SLC38A8: variants seen among roughly 807,000 people sequenced by gnomAD.
The protein encoded by SLC38A8 is solute carrier family 38 member 8, also known as amino acid transporter SLC38A8.
A neutral mutation model predicts 46.0 loss-of-function variants in SLC38A8; 65 were observed. The observed-to-expected ratio is 1.41, with a 90% CI of 1.16 to 1.74. SLC38A8 has a LOEUF of 1.74. Among genes scored for constraint, SLC38A8 ranks in the 40% most tolerant of loss-of-function variants. The probability of loss-of-function intolerance (pLI) is 0.00; values close to 1 mark genes in which losing one functional copy is unlikely to be tolerated. For missense variants in SLC38A8, 998 were observed against 567.9 expected, an observed-to-expected ratio of 1.76 and a Z score of -7.70; for synonymous variants, 447 against 243.7, an observed-to-expected ratio of 1.83 and a Z score of -7.77.
intron 2 of SLC38A8, chr16:84,041,273 G>C (rs2085364047): frequency 1.3e-5 from 2 of 152,264 alleles, no homozygotes; most frequent in African/African-American, 4.8e-5. Context: ...GGGGAGTGTG[G>C]GAGTGTCACA....
chr16:84,034,540 G>C (rs568886582), intron 3 of SLC38A8, among the ~76,000 whole-genome samples: 2 of 152,218 alleles, frequency 1.3e-5, no homozygotes, highest in Admixed American at 1.3e-4. Context: ...ATGGGAGGCC[G>C]AGGAGCTTGA....
intron 5 of SLC38A8, 29 bp downstream of exon 5, chr16:84,031,838 G>T (rs761894237): frequency 1.2e-6 from 2 of 1,600,100 alleles, no homozygotes; most frequent in African/African-American, 1.3e-5. Flanking sequence ...CCCCGCCGAG[G>T]CTGCCGGAAG....
Position 84,016,698 on chromosome 16 carries a change from C to T in SLC38A8, c.983G>A (p.Ser328Asn). The T allele has an allele frequency of 6.2e-7, 1 of 1,613,222 alleles. No homozygotes were observed. Among genetic ancestry groups the T allele is most frequent in the Non-Finnish European group, 8.5e-7 (1 of 1,179,928 alleles). Reference protein sequence around the residue: ...RSVMQDFWRRSCLGGWGPSAL... With the variant: ...RSVMQDFWRRNCLGGWGPSAL... Reference sequence around the variant, plus strand: ...GCTGGGCCCCCATCCCCCCAAGCAGCTCCTCCTCCAGAAGTCCTGCATCAC... The same window carrying T: ...GCTGGGCCCCCATCCCCCCAAGCAGTTCCTCCTCCAGAAGTCCTGCATCAC... The change falls in exon 9 of 11, where the codon AGC becomes AAC. Residue 328 changes from serine (S) to asparagine (N), a missense_variant. Transcript: ENST00000299709.
At chr16:84,034,540 G>T (rs568886582) in intron 3 of SLC38A8, among the ~76,000 whole-genome samples, 2 of 152,218 alleles carry the variant, frequency 1.3e-5, no homozygotes, top group African/African-American at 4.8e-5. Context: ...ATGGGAGGCC[G>T]AGGAGCTTGA....
chr16:84,029,642 A>G, intron 5 of SLC38A8, 91 bp from the exon 6 acceptor site: 1 of 1,262,720 alleles, frequency 7.9e-7, no homozygotes, highest in South Asian at 1.3e-5. Context: ...GGATGCTGGG[A>G]AAATGTAACA....
At chr16:84,030,431 G>A (rs1351968667) in intron 5 of SLC38A8, among the ~76,000 whole-genome samples, 2 of 152,002 alleles carry the variant, frequency 1.3e-5, no homozygotes, top group Admixed American at 6.6e-5. Context: ...AGCCTTCAAT[G>A]CCATGTCTGG....
In SLC38A8 at chr16:84,032,869, C is replaced by T. The variant is rs1293544058; in HGVS notation, c.530+459G>A. On this transcript the variant is annotated intron_variant, in intron 4 of 10. Transcript: ENST00000299709. ...GTGCACACATGTGCGTGCATGGGCA[C>T]GGGGACATGCGGGGATGGGGGTGCA... is the stretch of plus-strand genomic sequence containing the variant. Among the ~76,000 whole-genome samples the T allele has an allele frequency of 4.1e-5, 6 of 146,154 alleles. No individual in the cohort carries two copies. In the East Asian group the frequency reaches 8.7e-4, roughly 21 times the overall value.
rs888412758 is a variant in SLC38A8 at position 84,031,934 on chromosome 16, G to C, written c.565C>G (p.Leu189Val). 4 of 1,614,104 alleles carry C rather than the reference G, an allele frequency of 2.5e-6. No individual in the cohort carries two copies. In the African/African-American group the frequency reaches 4.0e-5, roughly 16 times the overall value. Residue 189 changes from leucine (L) to valine (V), a missense_variant, in exon 5 of 11, where the codon CTG (leucine) becomes GTG (valine). Coordinates refer to ENST00000299709, the MANE Select transcript of SLC38A8 (RefSeq NM_001080442.3). The part of the protein sequence containing the change: ...LGTLAACYLA[L>V]VITVQYYLWP... ...AGGTAGTACTGCACGGTGATGACCA[G>C]GGCCAGGTAACAGGCAGCCAGAGTG...
At chr16:84,042,849 C>T (rs1306692208), upstream of SLC38A8, among the ~76,000 whole-genome samples, 1 of 150,220 alleles carries the variant, frequency 6.7e-6, no homozygotes, top group Non-Finnish European at 1.5e-5. Context: ...CCGCCTCTCC[C>T]CAGCCCCCTG....
intron 6 of SLC38A8, among the ~76,000 whole-genome samples, chr16:84,027,128 G>C (rs1035603446): frequency 4.6e-5 from 7 of 152,168 alleles, no homozygotes; most frequent in Non-Finnish European, 5.9e-5. Context: ...GAGGTGGGCA[G>C]ATCAAAAGGT....
At chr16:84,020,362 C>T (rs2326151) in intron 7 of SLC38A8, among the ~76,000 whole-genome samples, 63,192 of 151,784 alleles carry the variant, frequency 0.42, 15,386 homozygotes, top group African/African-American at 0.69. Context: ...GCCAGGCTGG[C>T]CTCGAACTCC....
intron 2 of SLC38A8, among the ~76,000 whole-genome samples, chr16:84,037,904 G>C (rs1312982348): frequency 6.8e-6 from 1 of 147,910 alleles, no homozygotes. Flanking sequence ...CAGCTGCTAG[G>C]TCCAAAGAAT....
chr16:84,020,730 GC>G (rs979952574), intron 7 of SLC38A8, among the ~76,000 whole-genome samples: 5 of 152,194 alleles, frequency 3.3e-5, no homozygotes, highest in Admixed American at 2.6e-4. Flanking sequence ...AGGCCTCTGA[GC>G]CTGTGATGGG....
chr16:84,013,526 G>T (rs567815013), intron 9 of SLC38A8, among the ~76,000 whole-genome samples: 1 of 144,852 alleles, frequency 6.9e-6, no homozygotes, highest in Non-Finnish European at 1.5e-5. Context: ...CACCTCCCGG[G>T]TTCAAGTCAT....
chr16:84,016,789 G>A (rs556361516), intron 8 of SLC38A8, 62 bp from the exon 9 acceptor site: 40 of 1,539,586 alleles, frequency 2.6e-5, no homozygotes, highest in East Asian at 9.3e-5. Context: ...CCACCCGACA[G>A]CTGCTCCCCA....
intron 7 of SLC38A8, among the ~76,000 whole-genome samples, chr16:84,018,342 C>T (rs1414170001): frequency 6.7e-6 from 1 of 149,102 alleles, no homozygotes; most frequent in Non-Finnish European, 1.5e-5. Flanking sequence ...ACGCCATTCT[C>T]CTGCCCTAGC....
chr16:84,020,113 G>A (rs1011393450), intron 7 of SLC38A8, among the ~76,000 whole-genome samples: 20 of 151,768 alleles, frequency 1.3e-4, no homozygotes, highest in Non-Finnish European at 2.5e-4. Flanking sequence ...TCTGCAGTTG[G>A]ACCCCTACGC....
chr16:84,035,705 A>G (rs993550343), intron 3 of SLC38A8, among the ~76,000 whole-genome samples: 5 of 152,258 alleles, frequency 3.3e-5, no homozygotes, highest in Non-Finnish European at 5.9e-5. Context: ...GAGTGCCTCT[A>G]TTAATGGTAG....
At chr16:84,014,302 T>G (rs1417526931) in intron 9 of SLC38A8, among the ~76,000 whole-genome samples, 3 of 135,740 alleles carry the variant, frequency 2.2e-5, no homozygotes, top group Non-Finnish European at 3.1e-5. Flanking sequence ...GCCCACAGCC[T>G]GAATAAGGAG....
Sources: allele counts gnomAD v4.1 joint callset (sites outside exome capture counted in the v4.1 genomes callset), GRCh38; gene constraint gnomAD v4.1.1; transcripts MANE v1.5; gene names NCBI Gene and HGNC (gene_info 2026-07-23, HGNC 2026-07-21).